The following RELN variants were observed in gnomAD, a reference collection of about 807,000 sequenced individuals.
RELN encodes the protein reelin.
In RELN, 108 loss-of-function variants were observed where a neutral mutation model predicts 427.6. That is an observed-to-expected ratio of 0.25 (90% CI 0.22 to 0.30). The LOEUF (loss-of-function observed/expected upper bound fraction) is 0.30, where lower values mean the gene tolerates loss of function less well. Ranked by LOEUF, RELN falls within the 10% of genes least tolerant of loss-of-function variation. The pLI, the probability that RELN is intolerant of heterozygous loss-of-function variation, is 1.00. For synonymous variants in RELN, 1,524 were observed against 1,513.4 expected, an observed-to-expected ratio of 1.01 and a Z score of -0.16; for missense variants, 3,715 against 4,302.8, an observed-to-expected ratio of 0.86 and a Z score of 3.82.
At chr7:103,633,552 A>C (rs1328941340) in intron 19 of RELN, among the ~76,000 whole-genome samples, 1 of 151,918 alleles carries the variant, frequency 6.6e-6, no homozygotes, top group Non-Finnish European at 1.5e-5. Flanking sequence ...CTCCACTTTG[A>C]TCTTAATCTT....
intron 28 of RELN, among the ~76,000 whole-genome samples, chr7:103,578,003 C>T (rs1257464247): frequency 1.3e-5 from 2 of 152,118 alleles, no homozygotes; most frequent in Non-Finnish European, 2.9e-5. Context: ...ATGGAAGAAG[C>T]CAGCTCAGAT....
chr7:103,543,085 G>A (rs1265088933), intron 42 of RELN, among the ~76,000 whole-genome samples: 1 of 152,198 alleles, frequency 6.6e-6, no homozygotes, highest in Non-Finnish European at 1.5e-5. Context: ...AAAGATTCTT[G>A]TGATAGGAGG....
intron 3 of RELN, among the ~76,000 whole-genome samples, chr7:103,807,621 C>CCT (rs895212324): frequency 1.3e-5 from 2 of 152,074 alleles, no homozygotes; most frequent in African/African-American, 4.8e-5. Flanking sequence ...TCCACCCTCC[C>CCT]CTCTCAAGCA....
chr7:103,713,263 C>A (rs1011445189), intron 8 of RELN, among the ~76,000 whole-genome samples: 1 of 152,164 alleles, frequency 6.6e-6, no homozygotes, highest in Non-Finnish European at 1.5e-5. Flanking sequence ...ACGAGCACAG[C>A]TCTAGGAGCT....
rs1174291153 is a variant in RELN at position 103,527,947 on chromosome 7, A to C, written c.7350-4416T>G. ...ACAAGTGCTGGTAAGGATATGGGGA[A>C]ATTAGAATCCTCTACATTGCTGGTG... On this transcript the variant is annotated intron_variant, in intron 46 of 64. Coordinates refer to ENST00000428762, the MANE Select transcript of RELN (RefSeq NM_005045.4). Among the ~76,000 whole-genome samples the C allele has an allele frequency of 2.0e-5, 3 of 152,216 alleles. No homozygotes were observed. The East Asian group carries it at 5.8e-4, about 29-fold the overall frequency.
intron 11 of RELN, among the ~76,000 whole-genome samples, chr7:103,668,800 T>A (rs1280886719): frequency 6.6e-6 from 1 of 152,202 alleles, no homozygotes; most frequent in African/African-American, 2.4e-5. Context: ...GCTTGCTCCA[T>A]TTATCCCAAT....
chr7:103,889,226 G>A (rs1794791456), intron 2 of RELN, among the ~76,000 whole-genome samples: 1 of 152,214 alleles, frequency 6.6e-6, no homozygotes, highest in Non-Finnish European at 1.5e-5. Flanking sequence ...TGCAATGTAA[G>A]TAAAACACTC....
chr7:103,664,172 TAACAGAAGTCATA>T (rs888097641), intron 11 of RELN, among the ~76,000 whole-genome samples: 1 of 152,230 alleles, frequency 6.6e-6, no homozygotes, highest in Non-Finnish European at 1.5e-5. Context: ...ATGTTGGCTA[TAACAGAAGTCATA>T]AACTGGTGTT....
intron 6 of RELN, among the ~76,000 whole-genome samples, chr7:103,738,865 T>C (rs1790564839): frequency 6.6e-6 from 1 of 151,894 alleles, no homozygotes; most frequent in Admixed American, 6.6e-5. Context: ...GTATTTTTCA[T>C]AGAGACAGGG....
chr7:103,963,799 T>C (rs1796609624), intron 1 of RELN, among the ~76,000 whole-genome samples: 1 of 152,172 alleles, frequency 6.6e-6, no homozygotes, highest in East Asian at 1.9e-4. Flanking sequence ...AGAGTGCAGA[T>C]AGTTAAGTGA....
At chr7:103,648,754 T>C (rs113526386) in intron 16 of RELN, among the ~76,000 whole-genome samples, 199 of 151,968 alleles carry the variant, frequency 1.3e-3, no homozygotes, top group Non-Finnish European at 2.3e-3. Flanking sequence ...AAAAAACGTA[T>C]AGTTCCATTA....
At chr7:103,650,422 GTTCATATCT>G (rs1832890689) in intron 15 of RELN, 39 bp from the exon 16 acceptor site, 1 of 1,173,072 alleles carries the variant, frequency 8.5e-7, no homozygotes. Context: ...TCACAACTAT[GTTCATATCT>G]TTAGAATCTA....
At chr7:103,707,962 G>A (rs934081840) in intron 8 of RELN, among the ~76,000 whole-genome samples, 3 of 152,176 alleles carry the variant, frequency 2.0e-5, no homozygotes, top group Admixed American at 1.3e-4. Flanking sequence ...TAAAAAGAAT[G>A]ACAGCTATTT....
chr7:103,956,640 A>T (rs1292761119), intron 1 of RELN, among the ~76,000 whole-genome samples: 2 of 152,298 alleles, frequency 1.3e-5, no homozygotes, highest in East Asian at 3.9e-4. Flanking sequence ...AGTGTATAAG[A>T]CTGAAAAATC....
chr7:103,694,518 T>C (rs941814265), intron 10 of RELN, among the ~76,000 whole-genome samples: 3 of 147,306 alleles, frequency 2.0e-5, no homozygotes, highest in African/African-American at 5.1e-5. Flanking sequence ...ACGACGATGA[T>C]GATGTGTGTG....
At chr7:103,892,298 C>G (rs547462100) in intron 2 of RELN, among the ~76,000 whole-genome samples, 2 of 152,256 alleles carry the variant, frequency 1.3e-5, no homozygotes, top group Non-Finnish European at 2.9e-5. Context: ...CCAAAAACAC[C>G]CATGATGGGC....
intron 19 of RELN, among the ~76,000 whole-genome samples, chr7:103,631,833 T>A (rs546688629): frequency 6.6e-6 from 1 of 152,038 alleles, no homozygotes; most frequent in African/African-American, 2.4e-5. Context: ...TTTAAACTGG[T>A]TTAACAATGA....
intron 17 of RELN, among the ~76,000 whole-genome samples, chr7:103,638,952 C>A (rs1832641167): frequency 6.6e-6 from 1 of 152,170 alleles, no homozygotes; most frequent in African/African-American, 2.4e-5. Flanking sequence ...TTTAGAAATG[C>A]CACTTTCTAT....
chr7:103,603,469 G>C lies in RELN; in HGVS notation c.3168C>G (p.Gly1056=), dbSNP rs1246222461. ...GICRCDQGYQ[G]TECHPEAALP... ...GGGCAGCTTCTGGGTGGCATTCAGT[G>C]CCTTGGTACCCCTGGTCACACCTAT... Residue 1056 remains glycine, a synonymous_variant, in exon 24 of 65, where the codon GGC becomes GGG. Coordinates refer to ENST00000428762, the MANE Select transcript of RELN (RefSeq NM_005045.4). The surrounding 1 kb of genome is among the most constrained non-coding windows in gnomAD (Gnocchi z 4.3). 1 of 1,613,862 alleles carries C rather than the reference G, an allele frequency of 6.2e-7. No homozygotes were observed. The highest frequency in any genetic ancestry group is 8.5e-7 in the Non-Finnish European group (1 of 1,179,810).
Sources: gnomAD v4.1 joint callset for allele counts (sites outside exome capture counted in the v4.1 genomes callset) on GRCh38, gnomAD v4.1.1 for gene constraint, Gnocchi (gnomAD v3.1) non-coding constraint, MANE v1.5 for transcripts, NCBI Gene and HGNC (gene_info 2026-07-23, HGNC 2026-07-21) for gene names.